The following MORN3 variants were observed in gnomAD, a reference collection of about 807,000 sequenced individuals.
The protein encoded by MORN3 is MORN repeat-containing protein 3.
In MORN3, 38 loss-of-function variants were observed where a neutral mutation model predicts 34.7. The ratio of observed to expected loss-of-function variants is 1.10; its 90% CI spans 0.85 to 1.44. The LOEUF is 1.44. MORN3 is among the 40% of genes most tolerant of loss of function. MORN3 has a pLI of 0.00. For synonymous variants in MORN3, 109 were observed against 115.3 expected (o/e 0.95, Z 0.35); for missense variants, 311 against 321.7 (o/e 0.97, Z 0.25).
At chr12:121,659,396 TG>T (rs763350898) in intron 1 of MORN3, 48 bp from the exon 2 acceptor site, 15 of 1,574,678 alleles carry the variant, frequency 9.5e-6, no homozygotes, top group Middle Eastern at 1.7e-4. Flanking sequence ...CGCCGGGGGG[TG>T]GGGGTGGTGT....
chr12:121,652,913 A>C (rs1318717958), intron 4 of MORN3, 105 bp from the exon 5 acceptor site: 58 of 1,451,664 alleles, frequency 4.0e-5, no homozygotes, highest in Non-Finnish European at 5.5e-5. Context: ...CCTCATCAGG[A>C]GCCACCTCCC....
chr12:121,669,405 G>T lies in MORN3; in HGVS notation c.79C>A (p.Arg27=). Residue 27 remains arginine (R), a synonymous_variant, in exon 1 of 6, where the codon CGG becomes AGG. Transcript: ENST00000355329. Reference sequence around the variant, plus strand: ...CCATTCACAGCGTATACCTGGCTCCGCAGGCCGTTCCTCTGGGCCTTCCGG... The same window carrying T: ...CCATTCACAGCGTATACCTGGCTCCTCAGGCCGTTCCTCTGGGCCTTCCGG... ...WDRKAQRNGL[R]SQVYAVNGDY... The T allele has an allele frequency of 6.2e-7, 1 of 1,613,962 alleles. No homozygotes were observed.
At position 121,669,358 on chromosome 12, in the gene MORN3, C is replaced by G; in HGVS notation, c.126G>C (p.Trp42Cys). 6.2e-7 allele frequency: 1 copy of G among 1,613,830 alleles called. No homozygotes were observed. Among genetic ancestry groups the G allele is most frequent in the Non-Finnish European group, 8.5e-7 (1 of 1,179,804 alleles). Residue 42 changes from tryptophan to cysteine, a missense_variant, in exon 1 of 6, where the codon TGG (tryptophan) becomes TGC (cysteine). Trp to Cys is a radical substitution (Grantham distance 215). Transcript: ENST00000355329. ...AVNGDYYVGEWKDNVKHGKGT... is the reference protein window; with the variant it reads ...AVNGDYYVGECKDNVKHGKGT... ...ACTCACCGTGTTTCACGTTGTCCTT[C>G]CACTCGCCCACATAGTAGTCGCCAT... is the stretch of plus-strand genomic sequence containing the variant.
intron 2 of MORN3, among the ~76,000 whole-genome samples, chr12:121,657,827 A>G (rs1893454498): frequency 6.6e-6 from 1 of 152,074 alleles, no homozygotes; most frequent in South Asian, 2.1e-4. Context: ...AGATCACACC[A>G]TTGCACTCCA....
chr12:121,660,667 TTTC>T (rs575614678), intron 1 of MORN3, among the ~76,000 whole-genome samples: 8 of 113,820 alleles, frequency 7.0e-5, no homozygotes, highest in African/African-American at 2.0e-4. Flanking sequence ...TCTTTCTTTC[TTTC>T]TTTTTTTTTT....
chr12:121,656,757 GTGATACACCCC>G, intron 2 of MORN3, among the ~76,000 whole-genome samples: 1 of 152,260 alleles, frequency 6.6e-6, no homozygotes, highest in East Asian at 1.9e-4. Flanking sequence ...CTGACCTCAA[GTGATACACCCC>G]TGTCTGCCTC....
intron 1 of MORN3, among the ~76,000 whole-genome samples, chr12:121,667,354 A>C: frequency 6.6e-6 from 1 of 151,254 alleles, no homozygotes; most frequent in East Asian, 2.0e-4. Context: ...CCTGGGTTCA[A>C]GCAATTCTCC....
intron 1 of MORN3, among the ~76,000 whole-genome samples, chr12:121,666,213 G>T (rs1893749664): frequency 6.6e-6 from 1 of 151,862 alleles, no homozygotes; most frequent in African/African-American, 2.4e-5. Flanking sequence ...TGGAGAACGG[G>T]GTCTCGCTAT....
chr12:121,668,057 A>G (rs995671955), intron 1 of MORN3, among the ~76,000 whole-genome samples: 2 of 149,396 alleles, frequency 1.3e-5, no homozygotes, highest in Non-Finnish European at 3.0e-5. Flanking sequence ...TTTAGTAGAG[A>G]TGGGATTTCA....
rs781854772 is a variant in MORN3, at chr12:121,654,443, C to T, written c.304-10G>A. On this transcript the variant is annotated splice_polypyrimidine_tract_variant and intron_variant, in intron 2 of 5. Coordinates refer to ENST00000355329, the MANE Select transcript of MORN3 (RefSeq NM_173855.5). ...ACTGGATCCCATAACCCTGAAAGTACGAAGATGCTACTACTCAGGGCGCCC... is the reference window on the plus strand; with the variant it reads ...ACTGGATCCCATAACCCTGAAAGTATGAAGATGCTACTACTCAGGGCGCCC... The T allele has an allele frequency of 1.3e-6, 2 of 1,577,220 alleles. No homozygotes were observed. Among genetic ancestry groups the T allele is most frequent in the East Asian group, 2.3e-5 (1 of 43,616 alleles).
At position 121,649,438 on chromosome 12, in the gene MORN3, A is replaced by G. The variant is rs1466851281; in HGVS notation, c.*2213T>C. The G allele has an allele frequency of 3.3e-5, 5 of 152,184 alleles. No homozygotes were observed. Among genetic ancestry groups the G allele is most frequent in the African/African-American group, 1.2e-4 (5 of 41,440 alleles). The allele number at this position is 152,184 out of a possible 1,614,324, so 9.4% of individuals were successfully genotyped here. On this transcript the variant is annotated 3_prime_UTR_variant, in exon 6 of 6. Transcript: ENST00000355329. ...GTGCCAGGAGAGAATGCTTGCTGCG[A>G]AGCTGTCAGCACACGGCCTGGAATA...
upstream of MORN3, among the ~76,000 whole-genome samples, chr12:121,671,604 G>A (rs961747643): frequency 5.3e-5 from 8 of 151,962 alleles, no homozygotes; most frequent in African/African-American, 1.2e-4. Context: ...TAGCAAGGCC[G>A]GGAGCGGTGG....
At chr12:121,664,401 G>T (rs963544178) in intron 1 of MORN3, among the ~76,000 whole-genome samples, 4 of 152,172 alleles carry the variant, frequency 2.6e-5, no homozygotes, top group Non-Finnish European at 4.4e-5. Context: ...AGGGGGTGAC[G>T]TTGGGGCCAG....
intron 1 of MORN3, among the ~76,000 whole-genome samples, chr12:121,660,449 C>G (rs956362433): frequency 7.1e-6 from 1 of 140,422 alleles, no homozygotes; most frequent in Non-Finnish European, 1.5e-5. Context: ...CCTCCTGGTT[C>G]AAGAGATTCT....
chr12:121,659,958 G>A (rs1379438248), intron 1 of MORN3, among the ~76,000 whole-genome samples: 9 of 151,910 alleles, frequency 5.9e-5, no homozygotes, highest in Admixed American at 5.9e-4. Flanking sequence ...TGGAGGCTGG[G>A]TGCAGTGGCT....
chr12:121,671,044 A>T (rs1403343073), upstream of MORN3, among the ~76,000 whole-genome samples: 1 of 140,822 alleles, frequency 7.1e-6, no homozygotes, highest in Non-Finnish European at 1.5e-5. Flanking sequence ...CAGGGAGGAG[A>T]AGGCTGCAGT....
rs370845758 is a variant in MORN3, at chr12:121,667,534, T to C, written c.145+1805A>G. On this transcript the variant is annotated intron_variant, in intron 1 of 5. Transcript: ENST00000355329. ...CCTCTCAAAGTGCTGGGATTACAGG[T>C]GTGAGCCACTGTCCCCGGCCTGCAA... Among the ~76,000 whole-genome samples the C allele has an allele frequency of 2.6e-5, 4 of 151,236 alleles. No individual in the cohort carries two copies. In the South Asian group the frequency reaches 8.4e-4, roughly 32 times the overall value.
chr12:121,653,396 C>G (rs1394878266), intron 3 of MORN3, 137 bp from the exon 4 acceptor site: 1 of 884,080 alleles, frequency 1.1e-6, no homozygotes, highest in Non-Finnish European at 1.7e-6. Flanking sequence ...CCCAGGAGAT[C>G]AAGACCAGCC....
chr12:121,660,120 G>C (rs1232098276), intron 1 of MORN3, among the ~76,000 whole-genome samples: 1 of 151,204 alleles, frequency 6.6e-6, no homozygotes, highest in Non-Finnish European at 1.5e-5. Context: ...TGTAATCCCA[G>C]CTACTCAGGA....
Sources: gnomAD v4.1 joint callset for allele counts (sites outside exome capture counted in the v4.1 genomes callset) on GRCh38, gnomAD v4.1.1 for gene constraint, MANE v1.5 for transcripts, NCBI Gene and HGNC (gene_info 2026-07-23, HGNC 2026-07-21) for gene names.